Variants in LPAR1 observed in about 807,000 individuals in gnomAD.
LPAR1 encodes lysophosphatidic acid receptor 1.
LPAR1 carries 5 observed loss-of-function variants against 23.8 expected under a neutral mutation model. The observed-to-expected ratio is 0.21, with a 90% CI of 0.11 to 0.44. LPAR1 has a LOEUF of 0.44. Ranked by LOEUF, LPAR1 falls within the 20% of genes least tolerant of loss-of-function variation. The pLI, the probability that LPAR1 is intolerant of heterozygous loss-of-function variation, is 0.99. For missense variants in LPAR1, 311 were observed against 482.8 expected (o/e 0.64, Z 3.33); for synonymous variants, 160 against 164.7 (o/e 0.97, Z 0.22).
intron 5 of LPAR1, among the ~76,000 whole-genome samples, chr9:110,892,900 G>A (rs1255766578): frequency 2.0e-5 from 3 of 151,206 alleles, no homozygotes; most frequent in Non-Finnish European, 2.9e-5. Flanking sequence ...CACTCAATAA[G>A]CTTAGTGGTG....
At chr9:111,013,455 C>A (rs1207594343) in intron 2 of LPAR1, among the ~76,000 whole-genome samples, 3 of 152,126 alleles carry the variant, frequency 2.0e-5, no homozygotes, top group African/African-American at 7.2e-5. Flanking sequence ...CATTATAAGC[C>A]TCAGAAGCCA....
intron 2 of LPAR1, among the ~76,000 whole-genome samples, chr9:111,027,671 A>G (rs1278650213): frequency 6.6e-6 from 1 of 152,070 alleles, no homozygotes; most frequent in Non-Finnish European, 1.5e-5. Context: ...GTAGTGATAG[A>G]AAGCCTTAAC....
rs916946397 is a variant in LPAR1, at chr9:110,875,607, G to A, written c.909C>T (p.Asn303=). 65 of 1,613,948 alleles carry A rather than the reference G, an allele frequency of 4.0e-5. No homozygotes were observed. The highest frequency in any genetic ancestry group is 5.4e-5 in the Non-Finnish European group (64 of 1,179,978). The change falls in exon 6 of 6, where the codon AAC becomes AAT. Residue 303 remains asparagine, a synonymous_variant. Coordinates refer to ENST00000683809, the MANE Select transcript of LPAR1 (RefSeq NM_001351411.2). The part of the protein sequence containing the change: ...EKFFLLLAEF[N]SAMNPIIYSY... ...AGTAAATGATGGGGTTCATGGCAGA[G>A]TTGAATTCAGCAAGGAGAAGGAAGA...
rs544168245 is a variant in LPAR1, at chr9:111,016,814, T to C, written c.-182+19308A>G. ...TGGACAGAGCCAGCAGTGAGCTGCT[T>C]GTCTGAACTGTCTTGCTTTGGCTCT... On this transcript the variant is annotated intron_variant, in intron 2 of 5. Coordinates refer to ENST00000683809, the MANE Select transcript of LPAR1 (RefSeq NM_001351411.2). Among the ~76,000 whole-genome samples, 9 of 152,376 alleles carry C rather than the reference T, an allele frequency of 5.9e-5. No homozygotes were observed. In the South Asian group the frequency reaches 1.9e-3, roughly 32 times the overall value.
intron 2 of LPAR1, among the ~76,000 whole-genome samples, chr9:111,023,053 C>CAAAAA (rs35394780): frequency 4.1e-4 from 23 of 56,596 alleles, no homozygotes; most frequent in East Asian, 1.7e-3. Flanking sequence ...TCCGTCTCAA[C>CAAAAA]AAAAAAAAAA....
At chr9:110,891,270 A>T (rs190808076) in intron 5 of LPAR1, among the ~76,000 whole-genome samples, 11 of 152,368 alleles carry the variant, frequency 7.2e-5, no homozygotes, top group Admixed American at 4.6e-4. Flanking sequence ...CAAGATAATC[A>T]TCATCTAGCA....
intron 5 of LPAR1, among the ~76,000 whole-genome samples, chr9:110,930,092 T>C (rs925816540): frequency 3.3e-5 from 5 of 152,106 alleles, no homozygotes; most frequent in African/African-American, 1.2e-4. Context: ...CCATAGAAAA[T>C]TATATTCTCG....
chr9:111,010,364 G>A (rs894647377), intron 2 of LPAR1, among the ~76,000 whole-genome samples: 6 of 151,964 alleles, frequency 3.9e-5, no homozygotes, highest in African/African-American at 9.7e-5. Context: ...GAACAAGAGC[G>A]CCAGTCAGAG....
intron 5 of LPAR1, among the ~76,000 whole-genome samples, chr9:110,926,489 T>C (rs2094041889): frequency 6.6e-6 from 1 of 152,216 alleles, no homozygotes; most frequent in African/African-American, 2.4e-5. Context: ...GAAACATTCT[T>C]AGATACCCCA....
chr9:110,953,342 C>G (rs1686115437), intron 4 of LPAR1, among the ~76,000 whole-genome samples: 1 of 152,168 alleles, frequency 6.6e-6, no homozygotes, highest in Admixed American at 6.5e-5. Flanking sequence ...CCTCCACAAC[C>G]AACCACACCC....
chr9:110,991,663 C>T (rs2096897767), intron 2 of LPAR1, among the ~76,000 whole-genome samples: 1 of 152,012 alleles, frequency 6.6e-6, no homozygotes, highest in Non-Finnish European at 1.5e-5. Context: ...GGCTGGAGTG[C>T]AATGGCACGA....
chr9:110,917,934 G>A (rs1454684134), intron 5 of LPAR1, among the ~76,000 whole-genome samples: 3 of 151,814 alleles, frequency 2.0e-5, no homozygotes, highest in Admixed American at 6.6e-5. Flanking sequence ...ACTGGGTCTC[G>A]CTCTGCCACC....
At chr9:111,006,705 A>G (rs904405618) in intron 2 of LPAR1, among the ~76,000 whole-genome samples, 13 of 152,240 alleles carry the variant, frequency 8.5e-5, no homozygotes, top group African/African-American at 3.1e-4. Flanking sequence ...TTTATGCATT[A>G]GAATTGAGTA....
chr9:111,010,042 T>C (rs1368502587), intron 2 of LPAR1, among the ~76,000 whole-genome samples: 7 of 117,474 alleles, frequency 6.0e-5, no homozygotes, highest in African/African-American at 2.0e-4. Context: ...TATATATATA[T>C]ATATGGATAC....
chr9:111,023,642 A>C (rs1689076888), intron 2 of LPAR1, among the ~76,000 whole-genome samples: 1 of 152,198 alleles, frequency 6.6e-6, no homozygotes, highest in South Asian at 2.1e-4. Flanking sequence ...TGTATTTAAC[A>C]AATGGATGTT....
chr9:110,883,868 T>G (rs373672014), intron 5 of LPAR1, among the ~76,000 whole-genome samples: 6 of 152,344 alleles, frequency 3.9e-5, no homozygotes, highest in East Asian at 3.9e-4. Flanking sequence ...CAGCTTCCAC[T>G]GAGGGCTGCT....
intron 5 of LPAR1, among the ~76,000 whole-genome samples, chr9:110,911,732 C>A (rs904045502): frequency 6.6e-6 from 1 of 152,140 alleles, no homozygotes; most frequent in African/African-American, 2.4e-5. Context: ...TACTATTGCA[C>A]ATTTAATAGA....
chr9:110,881,054 G>A (rs747798309), intron 5 of LPAR1, among the ~76,000 whole-genome samples: 2 of 152,036 alleles, frequency 1.3e-5, no homozygotes, highest in Admixed American at 6.6e-5. Context: ...TGAGATTAAC[G>A]CTTTTTCTAA....
At position 111,009,996 on chromosome 9, in the gene LPAR1, AAAATATATATATATATAT is replaced by A. The variant is rs1282208131; in HGVS notation, c.-182+26108_-182+26125del. On this transcript the variant is annotated intron_variant, in intron 2 of 5. Coordinates refer to ENST00000683809, the MANE Select transcript of LPAR1 (RefSeq NM_001351411.2). ...TTTCATTTCTCATTTCATAATTAGG[AAAATATATATATATATAT>A]ATATATATATATATATATATATATA... 5.1e-3 allele frequency among the ~76,000 whole-genome samples: 555 copies of A among 108,958 alleles called. 6 individuals carry two copies. Among genetic ancestry groups the A allele is most frequent in the South Asian group, 0.031 (85 of 2,736 alleles). 71.5% of individuals were successfully genotyped at this position (108,958 alleles called of 152,430 possible).
Sources: gnomAD v4.1 joint callset for allele counts (sites outside exome capture counted in the v4.1 genomes callset) on GRCh38, gnomAD v4.1.1 for gene constraint, MANE v1.5 for transcripts, NCBI Gene and HGNC (gene_info 2026-07-23, HGNC 2026-07-21) for gene names.